DLG2: variants seen among roughly 807,000 people sequenced by gnomAD.
DLG2 encodes disks large homolog 2.
Under a neutral mutation model 132.5 loss-of-function variants are expected in DLG2, and 45 were observed. That is an observed-to-expected ratio of 0.34 (90% CI 0.27 to 0.44). The LOEUF (loss-of-function observed/expected upper bound fraction) is 0.44. Among genes scored for constraint, DLG2 ranks in the 20% least tolerant of loss-of-function variants. DLG2 has a pLI of 1.00. For synonymous variants in DLG2, 424 were observed against 419.6 expected, an observed-to-expected ratio of 1.01 and a Z score of -0.13; for missense variants, 1,045 against 1,196.9, an observed-to-expected ratio of 0.87 and a Z score of 1.87.
intron 6 of DLG2, among the ~76,000 whole-genome samples, chr11:84,957,162 T>C (rs1344969259): frequency 6.6e-6 from 1 of 152,134 alleles, no homozygotes; most frequent in Admixed American, 6.5e-5. Context: ...AATGGTTAAG[T>C]ACCTGCCCAA....
chr11:83,521,290 A>C (rs1162254454), intron 21 of DLG2, among the ~76,000 whole-genome samples: 1 of 152,212 alleles, frequency 6.6e-6, no homozygotes, highest in African/African-American at 2.4e-5. Context: ...ATCCACAAAG[A>C]ATTTTAGTCC....
At chr11:84,720,391 G>C in intron 6 of DLG2, 1 of 985,442 alleles carries the variant, frequency 1.0e-6, no homozygotes. Context: ...TTAACAACAG[G>C]GGACATTCCT....
intron 24 of DLG2, among the ~76,000 whole-genome samples, chr11:83,469,840 G>C (rs1158890663): frequency 6.6e-6 from 1 of 152,108 alleles, no homozygotes; most frequent in African/African-American, 2.4e-5. Context: ...TGCTGTGTCA[G>C]TAAATTATCA....
chr11:83,901,594 G>A (rs2073443079), intron 15 of DLG2, among the ~76,000 whole-genome samples: 1 of 152,176 alleles, frequency 6.6e-6, no homozygotes, highest in Non-Finnish European at 1.5e-5. Context: ...TGCCATGATT[G>A]TGAGGTTTTC....
chr11:85,455,465 G>C (rs768490403), intron 3 of DLG2, among the ~76,000 whole-genome samples: 10 of 152,294 alleles, frequency 6.6e-5, no homozygotes, highest in Middle Eastern at 6.8e-3. Context: ...CATGTCATCT[G>C]CAAGCAGGGA....
intron 15 of DLG2, among the ~76,000 whole-genome samples, chr11:83,877,734 C>G (rs753637202): frequency 3.3e-5 from 5 of 152,108 alleles, no homozygotes; most frequent in African/African-American, 1.2e-4. Flanking sequence ...AAGACAAATA[C>G]AGTGAACTAA....
Position 84,202,705 on chromosome 11 carries a change from T to C in DLG2, c.574-39194A>G, listed in dbSNP as rs548422799. Among the ~76,000 whole-genome samples, 77 of 152,276 alleles carry C rather than the reference T, an allele frequency of 5.1e-4. 1 individual carries two copies. Among genetic ancestry groups the C allele is most frequent in the African/African-American group, 1.6e-3 (68 of 41,562 alleles). On this transcript the variant is annotated intron_variant, in intron 8 of 27. Coordinates refer to ENST00000376104, the MANE Select transcript of DLG2 (RefSeq NM_001142699.3). ...CAACATATAAAATGGGAGAATATTT[T>C]TGCAATCTATTCATATGACAAAAGT... is the stretch of plus-strand genomic sequence containing the variant.
At chr11:84,445,432 C>T (rs540553538) in intron 7 of DLG2, among the ~76,000 whole-genome samples, 18 of 152,108 alleles carry the variant, frequency 1.2e-4, no homozygotes, top group Non-Finnish European at 2.4e-4. Context: ...AATGATTTTC[C>T]CTCAGAGCTT....
intron 3 of DLG2, among the ~76,000 whole-genome samples, chr11:85,481,248 G>C (rs138124226): frequency 2.4e-4 from 36 of 152,298 alleles, no homozygotes; most frequent in African/African-American, 7.7e-4. Context: ...TATTTGATCA[G>C]TACAGTAGAA....
At chr11:85,301,485 G>A (rs2079581664) in intron 3 of DLG2, among the ~76,000 whole-genome samples, 1 of 152,146 alleles carries the variant, frequency 6.6e-6, no homozygotes, top group Non-Finnish European at 1.5e-5. Flanking sequence ...TGATCTGGAA[G>A]CAAAGCGTTG....
chr11:84,036,928 A>G (rs1166258475), intron 11 of DLG2, among the ~76,000 whole-genome samples: 1 of 152,096 alleles, frequency 6.6e-6, no homozygotes, highest in Non-Finnish European at 1.5e-5. Context: ...GCTTCCAAGG[A>G]CTCATGCAAA....
chr11:85,422,876 G>T (rs1056994049), intron 3 of DLG2, among the ~76,000 whole-genome samples: 4 of 151,750 alleles, frequency 2.6e-5, no homozygotes, highest in Middle Eastern at 3.2e-3. Context: ...CTTACATTGG[G>T]CTTTGCCTTT....
rs59452629 is a variant in DLG2, at chr11:85,582,660, C to CAAAAAAAAAAAAAAAAAAAAAAAAAA, written c.40+15971_40+15996dup. Reference sequence around the variant, plus strand: ...GCAACATGGTGAAACCCCATCTCTACAAAAAAAAAAAAAAAAAAAAAAAAA... The same window carrying CAAAAAAAAAAAAAAAAAAAAAAAAAA: ...GCAACATGGTGAAACCCCATCTCTACAAAAAAAAAAAAAAAAAAAAAAAAAAAAAAAAAAAAAAAAAAAAAAAAAAA... On this transcript the variant is annotated intron_variant, in intron 3 of 27. Coordinates refer to ENST00000376104, the MANE Select transcript of DLG2 (RefSeq NM_001142699.3). Among the ~76,000 whole-genome samples the CAAAAAAAAAAAAAAAAAAAAAAAAAA allele has an allele frequency of 1.1e-4, 3 of 27,142 alleles. 1 individual carries two copies. The highest frequency in any genetic ancestry group is 1.4e-4 in the Non-Finnish European group (2 of 13,820). 17.8% of individuals were successfully genotyped at this position (27,142 alleles called of 152,430 possible).
At chr11:85,393,654 T>TGC (rs1188165227) in intron 3 of DLG2, among the ~76,000 whole-genome samples, 1 of 151,792 alleles carries the variant, frequency 6.6e-6, no homozygotes, top group Admixed American at 6.6e-5. Flanking sequence ...TGTGTGTGTG[T>TGC]GTGTGTGTAT....
chr11:84,436,719 A>G lies in DLG2; in HGVS notation c.519+97851T>C, dbSNP rs1258913496. On this transcript the variant is annotated intron_variant, in intron 7 of 27. Transcript: ENST00000376104. ...GGCCATTTTAATTTCTCAGGGAAAT[A>G]TAACTAATTAGGTAAGTCTACACAG... Among the ~76,000 whole-genome samples the G allele has an allele frequency of 2.0e-5, 3 of 152,340 alleles. 1 individual carries two copies. Among genetic ancestry groups the G allele is most frequent in the African/African-American group, 7.2e-5 (3 of 41,574 alleles).
intron 6 of DLG2, among the ~76,000 whole-genome samples, chr11:85,104,643 G>C (rs550600162): frequency 6.6e-6 from 1 of 151,898 alleles, no homozygotes; most frequent in Admixed American, 6.6e-5. Context: ...TGGAGTGATA[G>C]TTGTACAACT....
At chr11:84,844,641 C>G (rs2081240609) in intron 6 of DLG2, among the ~76,000 whole-genome samples, 2 of 151,976 alleles carry the variant, frequency 1.3e-5, no homozygotes, top group South Asian at 4.1e-4. Context: ...TCTTCCCATA[C>G]CAGTTGTCTT....
chr11:85,377,721 A>G (rs920752908), intron 3 of DLG2, among the ~76,000 whole-genome samples: 1 of 151,410 alleles, frequency 6.6e-6, no homozygotes, highest in African/African-American at 2.4e-5. Flanking sequence ...ATTCTGAGAC[A>G]GAACTTGAAT....
chr11:83,790,797 G>A, intron 17 of DLG2: 2 of 756,152 alleles, frequency 2.6e-6, no homozygotes, highest in East Asian at 4.9e-5. Flanking sequence ...TTCGGGGAAA[G>A]AGCGCCCTCC....
Sources: allele counts gnomAD v4.1 joint callset (sites outside exome capture counted in the v4.1 genomes callset), GRCh38; gene constraint gnomAD v4.1.1; transcripts MANE v1.5; gene names NCBI Gene and HGNC (gene_info 2026-07-23, HGNC 2026-07-21).